MYH10: variants seen among roughly 807,000 people sequenced by gnomAD.
The protein encoded by MYH10 is myosin heavy chain 10.
Under a neutral mutation model 257.8 loss-of-function variants are expected in MYH10, and 55 were observed. That is an observed-to-expected ratio of 0.21 (90% CI 0.17 to 0.27). MYH10 has a LOEUF of 0.27. Ranked by LOEUF, MYH10 falls within the 10% of genes least tolerant of loss-of-function variation. The pLI is 1.00. For synonymous variants in MYH10, 854 were observed against 921.7 expected, an observed-to-expected ratio of 0.93 and a Z score of 1.33; for missense variants, 1,631 against 2,500.6, an observed-to-expected ratio of 0.65 and a Z score of 7.42.
At chr17:8,511,057 T>TATAC (rs2081271139) in intron 24 of MYH10, 7 of 62,702 alleles carry the variant, frequency 1.1e-4, no homozygotes, top group African/African-American at 4.7e-4. Flanking sequence ...TATATATATA[T>TATAC]ATACACACAT....
chr17:8,502,189 C>T (rs2080916081), intron 28 of MYH10, among the ~76,000 whole-genome samples: 1 of 152,304 alleles, frequency 6.6e-6, no homozygotes, highest in South Asian at 2.1e-4. Context: ...CTCTCTTTTC[C>T]TCTCTTCTCA....
rs1235777255 is a variant in MYH10 at position 8,475,898 on chromosome 17, A to G, written c.5930T>C (p.Leu1977Pro). Reference sequence around the variant, plus strand: ...CTCCAGGGAAGCTCCTTCAAGGTGCAGCTGGCGCCGGCCAGATCGGCTGGA... The same window carrying G: ...CTCCAGGGAAGCTCCTTCAAGGTGCGGCTGGCGCCGGCCAGATCGGCTGGA... ...FSSSRSGRRQ[L>P]HLEGASLELS... is the part of the protein sequence containing the mutation. The change falls in exon 43 of 43, where the codon CTG (leucine) becomes CCG (proline). Residue 1977 changes from leucine to proline, a missense_variant. Physicochemically the swap from Leu to Pro is moderately conservative, Grantham distance 98. This residue lies in a region of MYH10 where 343 missense variants were observed against 389.5 expected (regional missense o/e 0.88). Transcript: ENST00000360416. 14 of 1,614,224 alleles carry G rather than the reference A, an allele frequency of 8.7e-6. No individual in the cohort carries two copies. Among genetic ancestry groups the G allele is most frequent in the Non-Finnish European group, 1.2e-5 (14 of 1,180,050 alleles).
chr17:8,486,577 A>T, intron 36 of MYH10, among the ~76,000 whole-genome samples: 1 of 137,696 alleles, frequency 7.3e-6, no homozygotes, highest in African/African-American at 2.8e-5. Context: ...AAAAAAAAAA[A>T]AAATGGAAAC....
At chr17:8,594,137 C>T (rs1215637266) in intron 3 of MYH10, among the ~76,000 whole-genome samples, 1 of 152,110 alleles carries the variant, frequency 6.6e-6, no homozygotes, top group Non-Finnish European at 1.5e-5. Context: ...CCATACTTTG[C>T]ACCATATACA....
intron 30 of MYH10, among the ~76,000 whole-genome samples, chr17:8,498,615 AGG>A (rs888969369): frequency 1.3e-5 from 2 of 151,966 alleles, no homozygotes; most frequent in Non-Finnish European, 2.9e-5. Context: ...TGGGAGGCTG[AGG>A]GGGGCGGATC....
In MYH10 at chr17:8,550,082, G is replaced by C. The variant is rs540126388; in HGVS notation, c.920-1295C>G. ...GCCTGCCTTGGCCTCCCAAAGTGCC[G>C]AGATTGCAGCCTCTGCCCGGCCGCC... On this transcript the variant is annotated intron_variant, in intron 9 of 42. Coordinates refer to ENST00000360416, the MANE Select transcript of MYH10 (RefSeq NM_001256012.3). 8.2e-3 allele frequency among the ~76,000 whole-genome samples: 1,239 copies of C among 150,262 alleles called. 18 individuals carry two copies. The highest frequency in any genetic ancestry group is 0.028 in the African/African-American group (1,134 of 40,950).
At chr17:8,592,970 T>TATATA (rs1567953268) in intron 3 of MYH10, among the ~76,000 whole-genome samples, 3 of 121,966 alleles carry the variant, frequency 2.5e-5, no homozygotes, top group Non-Finnish European at 3.5e-5. Flanking sequence ...TATATATATA[T>TATATA]AAAAGATGAT....
At chr17:8,517,705 A>G (rs1158725906) in intron 21 of MYH10, among the ~76,000 whole-genome samples, 1 of 152,228 alleles carries the variant, frequency 6.6e-6, no homozygotes, top group Admixed American at 6.5e-5. Flanking sequence ...CCAATTCTCA[A>G]TGGATTCTGC....
chr17:8,612,339 C>T (rs1351265586), intron 2 of MYH10, among the ~76,000 whole-genome samples: 1 of 152,130 alleles, frequency 6.6e-6, no homozygotes, highest in Non-Finnish European at 1.5e-5. Context: ...TATGCTGAGG[C>T]TGCTAGGATC....
In MYH10 at chr17:8,569,880, T is replaced by C. The variant is rs1036143873; in HGVS notation, c.664-68A>G. ...TAATCTAATGTCTTTACTCAAGTCA[T>C]CAGGGGAAAAATTTCTAAAAAAGAA... is the stretch of plus-strand genomic sequence containing the variant. On this transcript the variant is annotated intron_variant, in intron 6 of 42. Transcript: ENST00000360416. This position sits in a 1 kb window ranked among gnomAD's most constrained non-coding sequence, Gnocchi z 4.1. The C allele has an allele frequency of 1.7e-6, 2 of 1,197,650 alleles. No homozygotes were observed. The highest frequency in any genetic ancestry group is 1.6e-5 in the African/African-American group (1 of 64,274). 74.2% of individuals were successfully genotyped at this position (1,197,650 alleles called of 1,614,324 possible).
chr17:8,570,761 T>C (rs2083305890), intron 6 of MYH10, among the ~76,000 whole-genome samples: 1 of 152,146 alleles, frequency 6.6e-6, no homozygotes. Flanking sequence ...CATGAGGCTT[T>C]TAAATTAGTG....
chr17:8,537,087 T>C (rs1365168321), intron 14 of MYH10, among the ~76,000 whole-genome samples: 1 of 152,204 alleles, frequency 6.6e-6, no homozygotes, highest in East Asian at 1.9e-4. Context: ...TGACTTCCTT[T>C]TTGGAGGTAA....
rs147095676 is a variant in MYH10, at chr17:8,500,874, G to A, written c.3696C>T (p.His1232=). Residue 1232 remains histidine, a synonymous_variant, in exon 29 of 43, where the codon CAC becomes CAT. Coordinates refer to ENST00000360416, the MANE Select transcript of MYH10 (RefSeq NM_001256012.3). The stretch of plus-strand genomic sequence containing the variant: ...CTGAGAGCTCCTCCAGGGCTGTTGC[G>A]TGTCTTTGTCTCATGTCCTGGATTT... ...EAQIQDMRQR[H]ATALEELSEQ... 1.9e-5 allele frequency: 31 copies of A among 1,614,000 alleles called. 1 individual carries two copies. Among genetic ancestry groups the A allele is most frequent in the African/African-American group, 1.2e-4 (9 of 75,008 alleles).
At chr17:8,530,438 A>T (rs1473518310) in intron 17 of MYH10, among the ~76,000 whole-genome samples, 185 bp downstream of exon 17, 1 of 152,164 alleles carries the variant, frequency 6.6e-6, no homozygotes, top group African/African-American at 2.4e-5. Context: ...AAGTATAATA[A>T]AACTGAGCAT....
chr17:8,507,156 A>G (rs2081099122), intron 26 of MYH10, among the ~76,000 whole-genome samples: 1 of 152,252 alleles, frequency 6.6e-6, no homozygotes, highest in Non-Finnish European at 1.5e-5. Flanking sequence ...AAAAAAGCAC[A>G]TGTGCTTATG....
intron 21 of MYH10, among the ~76,000 whole-genome samples, chr17:8,514,777 T>C (rs1019607123): frequency 2.6e-5 from 4 of 152,156 alleles, no homozygotes; most frequent in African/African-American, 9.7e-5. Context: ...CTTCCAGCAG[T>C]CGGCTTTCTA....
chr17:8,627,096 G>C (rs2085712486), intron 1 of MYH10, among the ~76,000 whole-genome samples: 1 of 152,036 alleles, frequency 6.6e-6, no homozygotes, highest in African/African-American at 2.4e-5. Flanking sequence ...TAATTACACA[G>C]CATGTTCCCA....
At chr17:8,607,868 G>T (rs1597963380) in intron 2 of MYH10, among the ~76,000 whole-genome samples, 1 of 152,238 alleles carries the variant, frequency 6.6e-6, no homozygotes, top group African/African-American at 2.4e-5. Flanking sequence ...AAAGCTCTGG[G>T]GCAGAACACA....
chr17:8,623,413 G>T, intron 1 of MYH10, 136 bp from the exon 2 acceptor site: 1 of 732,320 alleles, frequency 1.4e-6, no homozygotes, highest in Non-Finnish European at 1.9e-6. Context: ...CCTCTTCACA[G>T]CCATACTAAC....
Sources: gnomAD v4.1 joint callset for allele counts (sites outside exome capture counted in the v4.1 genomes callset) on GRCh38, gnomAD v4.1.1 for gene constraint, gnomAD v4.1.1 regional missense constraint, Gnocchi (gnomAD v3.1) non-coding constraint, MANE v1.5 for transcripts, NCBI Gene and HGNC (gene_info 2026-07-23, HGNC 2026-07-21) for gene names.